The following CSMD1 variants were observed in gnomAD, a reference collection of about 807,000 sequenced individuals.
The protein encoded by CSMD1 is CUB and Sushi multiple domains 1, also known as CUB and sushi domain-containing protein 1.
In CSMD1, 213 loss-of-function variants were observed where a neutral mutation model predicts 417.5. That is an observed-to-expected ratio of 0.51 (90% CI 0.46 to 0.57). The LOEUF is 0.57. Among genes scored for constraint, CSMD1 ranks in the 20% least tolerant of loss-of-function variants. CSMD1 has a pLI of 0.00. For missense variants in CSMD1, 6,923 were observed against 4,529.7 expected, an observed-to-expected ratio of 1.53 and a Z score of -15.17; for synonymous variants, 2,862 against 1,736.8, an observed-to-expected ratio of 1.65 and a Z score of -16.11.
intron 41 of CSMD1, among the ~76,000 whole-genome samples, chr8:3,126,809 G>A (rs1298088968): frequency 6.6e-6 from 1 of 152,186 alleles, no homozygotes; most frequent in East Asian, 1.9e-4. Context: ...GGGCCTCGCT[G>A]AGACTACAGG....
intron 3 of CSMD1, among the ~76,000 whole-genome samples, chr8:4,237,268 G>C (rs564839210): frequency 1.3e-5 from 2 of 152,274 alleles, no homozygotes; most frequent in African/African-American, 4.8e-5. Context: ...GAGATTCAGA[G>C]TGAGGGTGTT....
At chr8:3,607,822 C>T (rs533225451) in intron 8 of CSMD1, among the ~76,000 whole-genome samples, 3 of 152,130 alleles carry the variant, frequency 2.0e-5, no homozygotes, top group Admixed American at 6.5e-5. Flanking sequence ...ATCAGCATGG[C>T]TGGTGTTGGT....
intron 4 of CSMD1, among the ~76,000 whole-genome samples, chr8:4,026,812 G>A (rs1193413355): frequency 6.6e-6 from 1 of 152,148 alleles, no homozygotes; most frequent in Non-Finnish European, 1.5e-5. Flanking sequence ...AAGATTTATG[G>A]CTGTAGGGAG....
At chr8:3,900,399 G>A (rs574704629) in intron 5 of CSMD1, among the ~76,000 whole-genome samples, 1 of 143,544 alleles carries the variant, frequency 7.0e-6, no homozygotes. Flanking sequence ...GACAGTATAG[G>A]TGGGTGACAG....
rs978505597 is a variant in CSMD1, at chr8:4,254,145, C to T, written c.415+165808G>A. 9.2e-5 allele frequency among the ~76,000 whole-genome samples: 14 copies of T among 151,966 alleles called. 1 individual carries two copies. Among genetic ancestry groups the T allele is most frequent in the African/African-American group, 3.4e-4 (14 of 41,350 alleles). ...TGTTAGCCAGGGTGGTCTCCATCTC[C>T]TGACCTGGTGATCCACCCGCCTTGG... On this transcript the variant is annotated intron_variant, in intron 3 of 69. Transcript: ENST00000635120.
chr8:3,281,111 C>T (rs563363604), intron 26 of CSMD1, among the ~76,000 whole-genome samples: 1 of 152,116 alleles, frequency 6.6e-6, no homozygotes, highest in Admixed American at 6.5e-5. Context: ...GCATAATTGC[C>T]AAAATTTTGA....
At chr8:3,986,362 A>C (rs371178424) in intron 5 of CSMD1, among the ~76,000 whole-genome samples, 6 of 152,086 alleles carry the variant, frequency 3.9e-5, no homozygotes, top group Admixed American at 6.5e-5. Context: ...GAGCACTGAG[A>C]CACCCCCAGC....
At chr8:4,796,741 T>C (rs1476126609) in intron 1 of CSMD1, among the ~76,000 whole-genome samples, 2 of 152,204 alleles carry the variant, frequency 1.3e-5, no homozygotes, top group African/African-American at 2.4e-5. Flanking sequence ...CTCCCATTTT[T>C]TATTTCAGTG....
At chr8:3,203,252 C>G (rs548022214) in intron 31 of CSMD1, among the ~76,000 whole-genome samples, 1 of 152,150 alleles carries the variant, frequency 6.6e-6, no homozygotes, top group Non-Finnish European at 1.5e-5. Context: ...GCCAGAATGC[C>G]CAGCTCATTC....
chr8:3,266,015 A>C (rs1801404410), intron 26 of CSMD1, among the ~76,000 whole-genome samples: 1 of 152,010 alleles, frequency 6.6e-6, no homozygotes, highest in Non-Finnish European at 1.5e-5. Flanking sequence ...GGCATCTTAC[A>C]GGTTCATGAG....
chr8:4,118,090 A>T (rs1238523171), intron 3 of CSMD1, among the ~76,000 whole-genome samples: 1 of 152,140 alleles, frequency 6.6e-6, no homozygotes, highest in Non-Finnish European at 1.5e-5. Flanking sequence ...TAGACAAATT[A>T]TAAGGCTTGT....
intron 3 of CSMD1, among the ~76,000 whole-genome samples, chr8:4,384,289 A>G (rs951055321): frequency 7.2e-5 from 11 of 152,192 alleles, no homozygotes; most frequent in African/African-American, 2.2e-4. Flanking sequence ...GCCTTAGCCA[A>G]TTAAGATCCA....
At chr8:4,842,158 G>GA (rs1800883399) in intron 1 of CSMD1, among the ~76,000 whole-genome samples, 2 of 152,152 alleles carry the variant, frequency 1.3e-5, no homozygotes, top group Admixed American at 6.5e-5. Flanking sequence ...CAGTATTATT[G>GA]AAAACATAAG....
intron 18 of CSMD1, among the ~76,000 whole-genome samples, chr8:3,372,156 G>T (rs913506768): frequency 1.3e-5 from 2 of 152,130 alleles, no homozygotes; most frequent in Non-Finnish European, 2.9e-5. Context: ...GGTGGCCAGC[G>T]GTGCCGTACT....
rs760012270 is a variant in CSMD1, at chr8:3,223,891, A to G, written c.4346-24T>C. 8.7e-6 allele frequency: 14 copies of G among 1,612,622 alleles called. No homozygotes were observed. In the Middle Eastern group the frequency reaches 8.2e-4, roughly 95 times the overall value. On this transcript the variant is annotated intron_variant, in intron 27 of 69. Coordinates refer to ENST00000635120, the MANE Select transcript of CSMD1 (RefSeq NM_033225.6). The stretch of plus-strand genomic sequence containing the variant: ...AGCTGTCACAGAACAAAAGTTACAG[A>G]GAAAAAGTAAGGACAGCGAAGAACG...
intron 1 of CSMD1, among the ~76,000 whole-genome samples, chr8:4,669,926 A>G (rs1805184977): frequency 6.6e-6 from 1 of 152,136 alleles, no homozygotes. Context: ...ATACTCCTTT[A>G]TTTTTGAAAG....
chr8:4,435,840 C>T lies in CSMD1; in HGVS notation c.303-15775G>A, dbSNP rs569042088. Among the ~76,000 whole-genome samples the T allele has an allele frequency of 7.9e-5, 12 of 152,278 alleles. 1 individual carries two copies. The South Asian group carries it at 2.5e-3, about 32-fold the overall frequency. ...ACCTTCAGGGCAGGGTGTGTGACTC[C>T]AAAGCTCACCTTCCAAGTATTAGGA... On this transcript the variant is annotated intron_variant, in intron 2 of 69. Coordinates refer to ENST00000635120, the MANE Select transcript of CSMD1 (RefSeq NM_033225.6).
Position 3,430,466 on chromosome 8 carries a change from G to C in CSMD1, c.1562-20861C>G, listed in dbSNP as rs376623276. ...TAGGTATTTAATTAATGTTTATCAA[G>C]TAGATGATGGTTATGAAGTCCCTTT... On this transcript the variant is annotated intron_variant, in intron 12 of 69. Coordinates refer to ENST00000635120, the MANE Select transcript of CSMD1 (RefSeq NM_033225.6). Among the ~76,000 whole-genome samples the C allele has an allele frequency of 4.3e-4, 65 of 152,210 alleles. 1 individual carries two copies. The South Asian group carries it at 0.013, about 30-fold the overall frequency.
At chr8:3,484,931 C>T (rs754294712) in intron 11 of CSMD1, among the ~76,000 whole-genome samples, 21 of 152,156 alleles carry the variant, frequency 1.4e-4, no homozygotes, top group Middle Eastern at 3.4e-3. Flanking sequence ...ATTGTGGGGA[C>T]GGCGTGAGCA....
Sources: gnomAD v4.1 joint callset for allele counts (sites outside exome capture counted in the v4.1 genomes callset) on GRCh38, gnomAD v4.1.1 for gene constraint, MANE v1.5 for transcripts, NCBI Gene and HGNC (gene_info 2026-07-23, HGNC 2026-07-21) for gene names.